Variants in MMP20 observed in about 807,000 individuals in gnomAD.
MMP20 encodes matrix metallopeptidase 20, also known as matrix metalloproteinase-20.
MMP20 carries 50 observed loss-of-function variants against 51.8 expected under a neutral mutation model. That is an observed-to-expected ratio of 0.97 (90% confidence interval 0.77 to 1.22). The LOEUF (loss-of-function observed/expected upper bound fraction) is 1.22, where lower values mean the gene tolerates loss of function less well. Ranked by LOEUF, MMP20 falls within the 50% of genes most tolerant of loss-of-function variation. MMP20 has a pLI of 0.00. For missense variants in MMP20, 663 were observed against 601.4 expected (o/e 1.10, Z -1.07); for synonymous variants, 244 against 216.2 (o/e 1.13, Z -1.13).
chr11:102,618,675 C>T (rs943481993), intron 1 of MMP20, among the ~76,000 whole-genome samples: 8 of 152,132 alleles, frequency 5.3e-5, no homozygotes, highest in South Asian at 4.2e-4. Flanking sequence ...TACATATACA[C>T]GCATATACAC....
chr11:102,592,525 T>C (rs535602904), intron 8 of MMP20, among the ~76,000 whole-genome samples: 16 of 152,372 alleles, frequency 1.1e-4, no homozygotes, highest in Middle Eastern at 3.4e-3. Context: ...AATATTTGTT[T>C]TGAAATTTCT....
intron 8 of MMP20, among the ~76,000 whole-genome samples, chr11:102,584,070 T>G (rs1859227028): frequency 1.3e-5 from 2 of 152,186 alleles, no homozygotes; most frequent in Admixed American, 1.3e-4. Context: ...CGTCTATTAT[T>G]AATAATGCTG....
chr11:102,616,007 TG>T (rs1859665112), intron 2 of MMP20, among the ~76,000 whole-genome samples: 1 of 152,070 alleles, frequency 6.6e-6, no homozygotes, highest in Non-Finnish European at 1.5e-5. Flanking sequence ...CAGGTCTGGC[TG>T]TGGGAGAGGG....
chr11:102,591,390 C>T (rs76129172), intron 8 of MMP20, among the ~76,000 whole-genome samples: 5 of 152,264 alleles, frequency 3.3e-5, no homozygotes, highest in East Asian at 1.9e-4. Flanking sequence ...ACTGAATCGC[C>T]GCTCAGAGAA....
chr11:102,620,784 A>G (rs1784402), intron 1 of MMP20, among the ~76,000 whole-genome samples: 113,895 of 152,114 alleles, frequency 0.75, 42,874 homozygotes, highest in East Asian at 0.92. Context: ...AGGTTCCAGG[A>G]TCAGGTTTGG....
intron 2 of MMP20, among the ~76,000 whole-genome samples, chr11:102,613,343 A>G (rs1591622046): frequency 6.6e-6 from 1 of 152,066 alleles, no homozygotes; most frequent in Non-Finnish European, 1.5e-5. Flanking sequence ...GTGAGAGCCA[A>G]CCCCATGAGC....
chr11:102,617,322 G>A (rs150025273), intron 1 of MMP20, among the ~76,000 whole-genome samples: 171 of 152,254 alleles, frequency 1.1e-3, no homozygotes, highest in Admixed American at 2.9e-3. Context: ...TTTCTACAAT[G>A]CAATGAATAT....
chr11:102,589,074 C>A (rs897122951), intron 8 of MMP20, among the ~76,000 whole-genome samples: 2 of 152,184 alleles, frequency 1.3e-5, no homozygotes, highest in African/African-American at 4.8e-5. Flanking sequence ...AAACACTGAT[C>A]TCCCTAGAAA....
chr11:102,610,062 T>G (rs769047816), intron 3 of MMP20, 32 bp from the exon 4 acceptor site: 2 of 1,613,014 alleles, frequency 1.2e-6, no homozygotes, highest in African/African-American at 2.7e-5. Context: ...CCAACAAGAT[T>G]GAGTCCTTCT....
At chr11:102,625,132 T>C in intron 1 of MMP20, 62 bp downstream of exon 1, 2 of 1,603,256 alleles carry the variant, frequency 1.2e-6, no homozygotes, top group Non-Finnish European at 1.7e-6. Flanking sequence ...ATTTTCTCAC[T>C]ATGCCCTTTT....
chr11:102,617,109 C>T lies in MMP20; in HGVS notation c.127-50G>A, dbSNP rs1197779015. ...CGTCTACAGCGTAGTCTGGGAAATA[C>T]TCATGCTCAGGTAAGGCAGGGGACA... is the stretch of plus-strand genomic sequence containing the variant. On this transcript the variant is annotated intron_variant, in intron 1 of 9. Coordinates refer to ENST00000260228, the MANE Select transcript of MMP20 (RefSeq NM_004771.4). 6.2e-6 allele frequency: 10 copies of T among 1,611,758 alleles called. No individual in the cohort carries two copies. The South Asian group carries it at 6.6e-5, about 11-fold the overall frequency.
At chr11:102,587,396 T>C (rs907571556) in intron 8 of MMP20, among the ~76,000 whole-genome samples, 4 of 152,218 alleles carry the variant, frequency 2.6e-5, no homozygotes, top group African/African-American at 9.6e-5. Flanking sequence ...GAATGTTCCA[T>C]GTTCACTTGA....
At position 102,577,400 on chromosome 11, in the gene MMP20, T is replaced by C; in HGVS notation, c.1378A>G (p.Lys460Glu). Residue 460 changes from lysine (K) to glutamate (E), a missense_variant, in exon 10 of 10, where the codon AAA becomes GAA. Lys to Glu is a moderately conservative substitution (Grantham distance 56). Transcript: ENST00000260228. ...TTCTCTGTGTCATACTTGTATGTTT[T>C]TGGTCCTGAAAAGAAGTAAATGTAG... ...NGYIYFFSGP[K>E]TYKYDTEKED... is the part of the protein sequence containing the mutation. 1 of 1,613,974 alleles carries C rather than the reference T, an allele frequency of 6.2e-7. No individual in the cohort carries two copies. Among genetic ancestry groups the C allele is most frequent in the Non-Finnish European group, 8.5e-7 (1 of 1,179,854 alleles).
intron 8 of MMP20, among the ~76,000 whole-genome samples, chr11:102,586,004 G>A (rs1859250493): frequency 6.6e-6 from 1 of 152,080 alleles, no homozygotes; most frequent in Non-Finnish European, 1.5e-5. Context: ...TAGGTTGTTG[G>A]TGTTTTTGGA....
In MMP20 at chr11:102,577,212, T is replaced by G. The variant is rs1591605925; in HGVS notation, c.*114A>C. On this transcript the variant is annotated 3_prime_UTR_variant, in exon 10 of 10. Transcript: ENST00000260228. ...TTATTATTCTCAGTGAATTCTAATT[T>G]GATTTGAAGGCCTTTGGAAGAATCC... 1 of 724,326 alleles carries G rather than the reference T, an allele frequency of 1.4e-6. No individual in the cohort carries two copies. The highest frequency in any genetic ancestry group is 2.6e-5 in the East Asian group (1 of 38,480). The allele number at this position is 724,326 out of a possible 1,614,324, so 44.9% of individuals were successfully genotyped here.
intron 8 of MMP20, among the ~76,000 whole-genome samples, chr11:102,585,414 A>C (rs1859243343): frequency 6.6e-6 from 1 of 152,154 alleles, no homozygotes; most frequent in Non-Finnish European, 1.5e-5. Flanking sequence ...TTGTTTGTTC[A>C]GGTGTATAAA....
At chr11:102,603,260 G>A (rs1859471471) in intron 6 of MMP20, among the ~76,000 whole-genome samples, 1 of 152,156 alleles carries the variant, frequency 6.6e-6, no homozygotes, top group Non-Finnish European at 1.5e-5. Context: ...CATAATCAGT[G>A]GCTCCCTGGT....
intron 1 of MMP20, among the ~76,000 whole-genome samples, chr11:102,622,027 C>A (rs966638817): frequency 7.4e-5 from 6 of 80,996 alleles, no homozygotes; most frequent in African/African-American, 2.8e-4. Context: ...ACAAACAAAC[C>A]CAGAATAAAA....
At position 102,577,374 on chromosome 11, in the gene MMP20, C is replaced by T; in HGVS notation, c.1404G>A (p.Lys468=). The T allele has an allele frequency of 6.2e-7, 1 of 1,614,088 alleles. No individual in the cohort carries two copies. The highest frequency in any genetic ancestry group is 8.5e-7 in the Non-Finnish European group (1 of 1,179,960). The change falls in exon 10 of 10, where the codon AAG becomes AAA. Residue 468 remains lysine (K), a synonymous_variant. Coordinates refer to ENST00000260228, the MANE Select transcript of MMP20 (RefSeq NM_004771.4). ...GPKTYKYDTE[K]EDVVSVVKSS... is the part of the protein sequence containing the mutation. The stretch of plus-strand genomic sequence containing the variant: ...ATTTCACCACACTAACCACATCTTC[C>T]TTCTCTGTGTCATACTTGTATGTTT...
Sources: gnomAD v4.1 joint callset for allele counts (sites outside exome capture counted in the v4.1 genomes callset) on GRCh38, gnomAD v4.1.1 for gene constraint, MANE v1.5 for transcripts, NCBI Gene and HGNC (gene_info 2026-07-23, HGNC 2026-07-21) for gene names.